ERBB4: variants seen among roughly 807,000 people sequenced by gnomAD.
ERBB4 encodes the protein receptor tyrosine-protein kinase erbB-4.
A neutral mutation model predicts 158.0 loss-of-function variants in ERBB4; 42 were observed. The observed-to-expected ratio is 0.27, with a 90% confidence interval of 0.21 to 0.34. The LOEUF is 0.34. Among genes scored for constraint, ERBB4 ranks in the 10% least tolerant of loss-of-function variants. The probability of loss-of-function intolerance (pLI) is 1.00; values close to 1 mark genes in which losing one functional copy is unlikely to be tolerated. For missense variants in ERBB4, 1,333 were observed against 1,624.1 expected, an observed-to-expected ratio of 0.82 and a Z score of 3.08; for synonymous variants, 583 against 558.7, an observed-to-expected ratio of 1.04 and a Z score of -0.61.
At chr2:211,424,090 T>C in intron 23 of ERBB4, 65 bp downstream of exon 23, 2 of 1,432,226 alleles carry the variant, frequency 1.4e-6, no homozygotes, top group Non-Finnish European at 2.0e-6. Flanking sequence ...TTGTACAGAT[T>C]GAGTAATCTC....
intron 1 of ERBB4, among the ~76,000 whole-genome samples, chr2:212,508,217 C>A (rs1043021495): frequency 7.9e-5 from 12 of 152,096 alleles, no homozygotes; most frequent in Non-Finnish European, 2.9e-5. Flanking sequence ...AGAAACATAA[C>A]TTTTATATGT....
chr2:211,667,917 T>C (rs184502705), intron 14 of ERBB4, among the ~76,000 whole-genome samples: 5 of 152,328 alleles, frequency 3.3e-5, no homozygotes, highest in African/African-American at 4.8e-5. Flanking sequence ...ACTATAGTCA[T>C]GTGACACTTA....
In ERBB4 at chr2:211,673,352, A is replaced by C; in HGVS notation, c.1623-95T>G. 4.6e-6 allele frequency: 4 copies of C among 871,630 alleles called. No homozygotes were observed. In the South Asian group the frequency reaches 5.5e-5, roughly 12 times the overall value. 54.0% of individuals were successfully genotyped at this position (871,630 alleles called of 1,614,324 possible). A position where few individuals can be genotyped will look rare whatever the true frequency, so the allele number is the denominator to read the frequency against. On this transcript the variant is annotated intron_variant, in intron 13 of 27. Transcript: ENST00000342788. ...TGCTAAAAGTCCTATTGGCAGAGTA[A>C]ATTCTAAAGTTTGTTTCTCTATGTG...
Position 211,630,457 on chromosome 2 carries a change from C to A in ERBB4, c.2079+5G>T, listed in dbSNP as rs367976506. 6.2e-7 allele frequency: 1 copy of A among 1,612,906 alleles called. No individual in the cohort carries two copies. Among genetic ancestry groups the A allele is most frequent in the Non-Finnish European group, 8.5e-7 (1 of 1,179,090 alleles). ...ACACATGAAGAGGAGAAAGAAATAC[C>A]TCACCTCTGTTTCCAAGAATCTTCT... On this transcript the variant is annotated splice_donor_5th_base_variant and intron_variant, in intron 17 of 27. Coordinates refer to ENST00000342788, the MANE Select transcript of ERBB4 (RefSeq NM_005235.3).
intron 1 of ERBB4, among the ~76,000 whole-genome samples, chr2:212,479,724 G>A (rs1235011179): frequency 1.3e-5 from 2 of 152,102 alleles, no homozygotes; most frequent in African/African-American, 2.4e-5. Flanking sequence ...ACAAAGCTGT[G>A]TGCTGATGAT....
intron 1 of ERBB4, among the ~76,000 whole-genome samples, chr2:212,294,872 G>A (rs2086352405): frequency 1.3e-5 from 2 of 152,114 alleles, no homozygotes. Flanking sequence ...GTTTGATAGA[G>A]TGTAAAATCT....
intron 10 of ERBB4, among the ~76,000 whole-genome samples, chr2:211,704,673 T>A (rs1435633152): frequency 6.6e-6 from 1 of 152,216 alleles, no homozygotes; most frequent in South Asian, 2.1e-4. Flanking sequence ...ATGCTTAATA[T>A]GTATGTGCTA....
intron 25 of ERBB4, among the ~76,000 whole-genome samples, chr2:211,417,619 T>C (rs2063422701): frequency 6.6e-6 from 1 of 152,230 alleles, no homozygotes; most frequent in Non-Finnish European, 1.5e-5. Flanking sequence ...TTTGAATTGA[T>C]TCATTGCTTT....
chr2:212,521,981 A>G (rs896586040), intron 1 of ERBB4, among the ~76,000 whole-genome samples: 2 of 151,956 alleles, frequency 1.3e-5, no homozygotes, highest in Admixed American at 6.6e-5. Flanking sequence ...TATATTCACA[A>G]ATATTCCTGG....
intron 2 of ERBB4, among the ~76,000 whole-genome samples, chr2:212,077,389 T>G (rs1008673768): frequency 6.6e-6 from 1 of 151,918 alleles, no homozygotes; most frequent in African/African-American, 2.4e-5. Context: ...TCATCAACAG[T>G]AGAAATGATA....
chr2:212,451,812 A>G (rs1398625537), intron 1 of ERBB4, among the ~76,000 whole-genome samples: 1 of 152,190 alleles, frequency 6.6e-6, no homozygotes, highest in African/African-American at 2.4e-5. Context: ...AGACTTAAGC[A>G]TACATTCCTT....
intron 12 of ERBB4, among the ~76,000 whole-genome samples, chr2:211,695,410 C>A (rs1040093657): frequency 6.6e-6 from 1 of 152,068 alleles, no homozygotes; most frequent in Non-Finnish European, 1.5e-5. Context: ...AAAATATATT[C>A]CCCATCACCA....
At chr2:211,568,949 T>C (rs2067633835) in intron 19 of ERBB4, among the ~76,000 whole-genome samples, 1 of 152,194 alleles carries the variant, frequency 6.6e-6, no homozygotes, top group Non-Finnish European at 1.5e-5. Context: ...ATCTGTTCCT[T>C]CATGTCTAGA....
At chr2:211,549,895 C>T (rs1370736136) in intron 20 of ERBB4, among the ~76,000 whole-genome samples, 1 of 152,034 alleles carries the variant, frequency 6.6e-6, no homozygotes, top group African/African-American at 2.4e-5. Flanking sequence ...CTTTGTGTGC[C>T]TCTTCAGGTT....
chr2:212,058,043 T>C (rs1453880669), intron 2 of ERBB4, among the ~76,000 whole-genome samples: 1 of 152,028 alleles, frequency 6.6e-6, no homozygotes, highest in Non-Finnish European at 1.5e-5. Flanking sequence ...CTAGCAAGGC[T>C]CATAAAGGAG....
intron 20 of ERBB4, among the ~76,000 whole-genome samples, chr2:211,450,220 C>T (rs1216115730): frequency 6.6e-6 from 1 of 152,058 alleles, no homozygotes; most frequent in African/African-American, 2.4e-5. Flanking sequence ...AATAACAAGA[C>T]AGAGAACTTG....
chr2:211,822,888 AG>A (rs886157221), intron 3 of ERBB4, among the ~76,000 whole-genome samples: 102 of 152,132 alleles, frequency 6.7e-4, no homozygotes, highest in African/African-American at 2.3e-3. Context: ...TTCTTTGGCC[AG>A]GGGAGTGGCA....
chr2:212,460,227 A>G (rs1344157625), intron 1 of ERBB4, among the ~76,000 whole-genome samples: 7 of 152,196 alleles, frequency 4.6e-5, no homozygotes, highest in Admixed American at 4.6e-4. Flanking sequence ...GCCCAGTGTC[A>G]GGTATGTCTT....
chr2:211,970,831 G>T (rs1221712597), intron 2 of ERBB4, among the ~76,000 whole-genome samples: 2 of 152,108 alleles, frequency 1.3e-5, no homozygotes, highest in African/African-American at 4.8e-5. Context: ...TCCTTATCCA[G>T]ATTGCCATTC....
Sources: allele counts gnomAD v4.1 joint callset (sites outside exome capture counted in the v4.1 genomes callset), GRCh38; gene constraint gnomAD v4.1.1; transcripts MANE v1.5; gene names NCBI Gene and HGNC (gene_info 2026-07-23, HGNC 2026-07-21).